Variants in CYP2F1 observed in about 807,000 individuals in gnomAD.
CYP2F1 encodes the protein cytochrome P450 2F1.
CYP2F1 carries 33 observed loss-of-function variants against 40.4 expected under a neutral mutation model. The ratio of observed to expected loss-of-function variants is 0.82; its 90% CI spans 0.62 to 1.09. CYP2F1 has a LOEUF of 1.09. Ranked by LOEUF, CYP2F1 falls within the 50% of genes least tolerant of loss-of-function variation. The pLI is 0.00. For synonymous variants in CYP2F1, 235 were observed against 277.2 expected, an observed-to-expected ratio of 0.85 and a Z score of 1.51; for missense variants, 566 against 655.7, an observed-to-expected ratio of 0.86 and a Z score of 1.49.
intron 6 of CYP2F1, among the ~76,000 whole-genome samples, chr19:41,122,479 TACACACATACATACAC>T (rs1054652374): frequency 1.4e-4 from 21 of 151,822 alleles, no homozygotes; most frequent in African/African-American, 5.1e-4. Flanking sequence ...AACACATACG[TACACACATACATACAC>T]ACACACATAC....
rs1302475898 is a variant in CYP2F1 at position 41,124,251 on chromosome 19, C to G, written c.965-468C>G. ...TCTTTTTTTTTTTTCCTCTTCCCCCCCCCCTTTTTTTTTTTTTTTTTTTTT... is the reference window on the plus strand; with the variant it reads ...TCTTTTTTTTTTTTCCTCTTCCCCCGCCCCTTTTTTTTTTTTTTTTTTTTT... On this transcript the variant is annotated intron_variant, in intron 7 of 9. Coordinates refer to ENST00000331105, the MANE Select transcript of CYP2F1 (RefSeq NM_000774.5). Among the ~76,000 whole-genome samples the G allele has an allele frequency of 6.8e-5, 7 of 103,222 alleles. 1 individual carries two copies. The highest frequency in any genetic ancestry group is 2.4e-4 in the African/African-American group (6 of 24,730). 67.7% of individuals were successfully genotyped at this position (103,222 alleles called of 152,430 possible).
intron 3 of CYP2F1, among the ~76,000 whole-genome samples, chr19:41,117,835 TTTATTTA>T (rs1269199265): frequency 3.5e-5 from 2 of 57,484 alleles, no homozygotes; most frequent in African/African-American, 2.3e-4. Context: ...TCAAACTTTA[TTTATTTA>T]TTTATTTATT....
In CYP2F1 at chr19:41,122,975, C is replaced by G; in HGVS notation, c.964+12C>G. ...CCCAAAAGTTCAAGGTGAGGCCCAC[C>G]CACACAGCAGCGTGGAGGTGCCCAT... On this transcript the variant is annotated intron_variant, in intron 7 of 9. Coordinates refer to ENST00000331105, the MANE Select transcript of CYP2F1 (RefSeq NM_000774.5). 2.5e-6 allele frequency: 4 copies of G among 1,610,516 alleles called. No individual in the cohort carries two copies. The highest frequency in any genetic ancestry group is 3.4e-6 in the Non-Finnish European group (4 of 1,178,466).
intron 1 of CYP2F1, among the ~76,000 whole-genome samples, chr19:41,115,361 TAG>T (rs1034955892): frequency 6.6e-6 from 1 of 152,176 alleles, no homozygotes; most frequent in African/African-American, 2.4e-5. Context: ...TGTCTTTCTC[TAG>T]CTCTGTGTCT....
At chr19:41,120,246 A>T in intron 3 of CYP2F1, 101 bp from the exon 4 acceptor site, 1 of 1,246,352 alleles carries the variant, frequency 8.0e-7, no homozygotes, top group South Asian at 1.6e-5. Flanking sequence ...GGAGATTCCA[A>T]ACTCTGTCTC....
intron 1 of CYP2F1, among the ~76,000 whole-genome samples, chr19:41,115,337 C>T (rs2031730344): frequency 6.6e-6 from 1 of 152,104 alleles, no homozygotes. Context: ...ACTGTCTCTC[C>T]ACTCAATCTC....
intron 3 of CYP2F1, among the ~76,000 whole-genome samples, chr19:41,117,337 G>T (rs1599669697): frequency 6.6e-6 from 1 of 151,884 alleles, no homozygotes; most frequent in African/African-American, 2.4e-5. Context: ...TTGCCATGTT[G>T]GTCAGGCTGG....
At chr19:41,118,866 A>T (rs80218311) in intron 3 of CYP2F1, among the ~76,000 whole-genome samples, 2,233 of 152,324 alleles carry the variant, frequency 0.015, 60 homozygotes, top group African/African-American at 0.051. Context: ...AATACACTAT[A>T]GTCTTTTTTC....
At position 41,124,718 on chromosome 19, in the gene CYP2F1, G is replaced by A. The variant is rs2032446360; in HGVS notation, c.965-1G>A. The A allele has an allele frequency of 1.3e-6, 2 of 1,599,806 alleles. No individual in the cohort carries two copies. Among genetic ancestry groups the A allele is most frequent in the Admixed American group, 3.3e-5 (2 of 59,748 alleles). ...GACCCCGCTTCCCGCTTCCTCTCCAGCCCGCGTGCAGGAGGAGATCGACCT... is the reference window on the plus strand; with the variant it reads ...GACCCCGCTTCCCGCTTCCTCTCCAACCCGCGTGCAGGAGGAGATCGACCT... On this transcript the variant is annotated splice_acceptor_variant, in intron 7 of 9. Transcript: ENST00000331105. LOFTEE classifies it high-confidence loss of function.
chr19:41,123,826 A>G (rs2144758785), intron 7 of CYP2F1, among the ~76,000 whole-genome samples: 1 of 151,906 alleles, frequency 6.6e-6, no homozygotes, highest in South Asian at 2.1e-4. Context: ...TCCTGCCTCC[A>G]CCCGCTTAGT....
Position 41,116,597 on chromosome 19 carries a change from T to A in CYP2F1, c.314T>A (p.Phe105Tyr). ...FSGRGDYPAF[F>Y]NFTKGNGIAF... ...GGCCGCGGTGACTACCCTGCCTTTT[T>A]CAACTTTACCAAGGGCAATGGTAAG... is the stretch of plus-strand genomic sequence containing the variant. Residue 105 changes from phenylalanine to tyrosine, a missense_variant, in exon 3 of 10, where the codon TTC becomes TAC. Phe to Tyr is a conservative substitution (Grantham distance 22). Around this residue, in one of 5 missense-constraint regions of CYP2F1, gnomAD observed 264 missense variants for 275.7 expected, o/e 0.96. Coordinates refer to ENST00000331105, the MANE Select transcript of CYP2F1 (RefSeq NM_000774.5). The A allele has an allele frequency of 6.2e-7, 1 of 1,613,974 alleles. No homozygotes were observed. Among genetic ancestry groups the A allele is most frequent in the Non-Finnish European group, 8.5e-7 (1 of 1,179,942 alleles).
chr19:41,123,742 C>G (rs1051836867), intron 7 of CYP2F1, among the ~76,000 whole-genome samples: 1 of 151,706 alleles, frequency 6.6e-6, no homozygotes, highest in Non-Finnish European at 1.5e-5. Flanking sequence ...CTGGCTGGTC[C>G]CCAACTCCTG....
intron 5 of CYP2F1, 40 bp from the exon 6 acceptor site, chr19:41,121,917 T>C (rs71358965): frequency 0.045 from 65,661 of 1,456,938 alleles, 4,165 homozygotes; most frequent in Admixed American, 0.081. Context: ...GAACACCCTT[T>C]GTCCTCCTCC....
rs200603349 is a variant in CYP2F1, at chr19:41,122,986, C to T, written c.964+23C>T. On this transcript the variant is annotated intron_variant, in intron 7 of 9. Coordinates refer to ENST00000331105, the MANE Select transcript of CYP2F1 (RefSeq NM_000774.5). ...AAGGTGAGGCCCACCCACACAGCAGCGTGGAGGTGCCCATGTGTTCCAGCC... is the reference window on the plus strand; with the variant it reads ...AAGGTGAGGCCCACCCACACAGCAGTGTGGAGGTGCCCATGTGTTCCAGCC... The T allele has an allele frequency of 8.7e-6, 14 of 1,603,152 alleles. No homozygotes were observed. In the Admixed American group the frequency reaches 1.2e-4, roughly 14 times the overall value.
intron 9 of CYP2F1, among the ~76,000 whole-genome samples, chr19:41,126,313 T>G (rs887098605): frequency 1.3e-5 from 2 of 151,758 alleles, no homozygotes; most frequent in Admixed American, 6.6e-5. Flanking sequence ...TAATCCCAGC[T>G]ACTCTGGAGG....
intron 7 of CYP2F1, among the ~76,000 whole-genome samples, chr19:41,124,000 C>A (rs1445641219): frequency 6.6e-6 from 1 of 152,080 alleles, no homozygotes; most frequent in Non-Finnish European, 1.5e-5. Context: ...CAAGCTCCAT[C>A]TCTGGGTGTA....
At chr19:41,125,345 A>G (rs2032489573) in intron 8 of CYP2F1, 148 bp from the exon 9 acceptor site, 7 of 598,310 alleles carry the variant, frequency 1.2e-5, no homozygotes, top group Non-Finnish European at 2.1e-5. Flanking sequence ...ACACCCACAC[A>G]TATTTCCTTG....
chr19:41,121,674 G>A (rs2032214311), intron 5 of CYP2F1, 56 bp downstream of exon 5: 51 of 1,508,476 alleles, frequency 3.4e-5, no homozygotes, highest in Non-Finnish European at 4.5e-5. Context: ...ATCTAGGAAT[G>A]GAGAGGAAAC....
chr19:41,118,560 T>C (rs1202458115), intron 3 of CYP2F1, among the ~76,000 whole-genome samples: 1 of 152,210 alleles, frequency 6.6e-6, no homozygotes, highest in Non-Finnish European at 1.5e-5. Flanking sequence ...TGACCTTACC[T>C]GTCCAGGTAC....
Sources: allele counts gnomAD v4.1 joint callset (sites outside exome capture counted in the v4.1 genomes callset), GRCh38; gene constraint gnomAD v4.1.1; regional missense constraint gnomAD v4.1.1; transcripts MANE v1.5; gene names NCBI Gene and HGNC (gene_info 2026-07-23, HGNC 2026-07-21).